KDR: variants seen among roughly 807,000 people sequenced by gnomAD.
The protein encoded by KDR is vascular endothelial growth factor receptor 2.
A neutral mutation model predicts 160.9 loss-of-function variants in KDR; 43 were observed. The observed-to-expected ratio is 0.27, with a 90% confidence interval of 0.21 to 0.34. KDR has a LOEUF of 0.34. Among genes scored for constraint, KDR ranks in the 10% least tolerant of loss-of-function variants. KDR has a pLI of 1.00. For missense variants in KDR, 1,469 were observed against 1,666.4 expected (o/e 0.88, Z 2.06); for synonymous variants, 617 against 600.1 (o/e 1.03, Z -0.41).
chr4:55,105,968 C>T (rs1364427995), intron 11 of KDR, 28 bp from the exon 12 acceptor site: 4 of 1,415,388 alleles, frequency 2.8e-6, no homozygotes, highest in Non-Finnish European at 4.0e-6. Flanking sequence ...AAATCCCAGG[C>T]CATAAACAAC....
chr4:55,091,775 T>A (rs1420859385), intron 22 of KDR, among the ~76,000 whole-genome samples: 1 of 152,254 alleles, frequency 6.6e-6, no homozygotes, highest in African/African-American at 2.4e-5. Flanking sequence ...TTCTTCCTGA[T>A]CCTTAATTTG....
At chr4:55,087,843 C>A in intron 26 of KDR, 85 bp from the exon 27 acceptor site, 4 of 1,276,764 alleles carry the variant, frequency 3.1e-6, no homozygotes, top group Middle Eastern at 2.2e-4. Flanking sequence ...ACAGGGACTT[C>A]TTGGCTACAT....
chr4:55,114,934 A>C lies in KDR; in HGVS notation c.598T>G (p.Cys200Gly). 6.2e-7 allele frequency: 1 copy of C among 1,614,028 alleles called. No individual in the cohort carries two copies. Among genetic ancestry groups the C allele is most frequent in the Non-Finnish European group, 8.5e-7 (1 of 1,179,910 alleles). ...CTTTCATCATTAATTTTTGCTTCACAGAAGACCATGCCAGCATAGCTGATC... is the reference window on the plus strand; with the variant it reads ...CTTTCATCATTAATTTTTGCTTCACCGAAGACCATGCCAGCATAGCTGATC... ...YMISYAGMVF[C>G]EAKINDESYQ... Residue 200 changes from cysteine (C) to glycine (G), a missense_variant, in exon 5 of 30, where the codon TGT (cysteine) becomes GGT (glycine). Coordinates refer to ENST00000263923, the MANE Select transcript of KDR (RefSeq NM_002253.4).
chr4:55,099,128 C>G (rs894399053), intron 15 of KDR, among the ~76,000 whole-genome samples: 2 of 151,840 alleles, frequency 1.3e-5, no homozygotes, highest in African/African-American at 4.8e-5. Context: ...CGATTCTCCC[C>G]CCTCAGCCTC....
chr4:55,099,673 T>A (rs1363652029), intron 15 of KDR, among the ~76,000 whole-genome samples: 1 of 152,218 alleles, frequency 6.6e-6, no homozygotes, highest in Non-Finnish European at 1.5e-5. Context: ...CTCATCACTT[T>A]AAATATGCCA....
At chr4:55,093,644 C>G (rs1264899229) in intron 21 of KDR, among the ~76,000 whole-genome samples, 1 of 152,184 alleles carries the variant, frequency 6.6e-6, no homozygotes, top group Non-Finnish European at 1.5e-5. Flanking sequence ...CAAGTCCCAG[C>G]CTCACACTAC....
intron 22 of KDR, 109 bp downstream of exon 22, chr4:55,092,508 G>T: frequency 1.3e-6 from 1 of 799,860 alleles, no homozygotes; most frequent in South Asian, 1.4e-5. Context: ...AGACGTAGAA[G>T]TGGTGAATGA....
chr4:55,082,324 T>A (rs961736648), intron 28 of KDR, among the ~76,000 whole-genome samples: 1 of 152,214 alleles, frequency 6.6e-6, no homozygotes, highest in East Asian at 1.9e-4. Context: ...TTAGTGAAAT[T>A]GGTCAGAAAG....
chr4:55,104,756 A>G lies in KDR; in HGVS notation c.1874T>C (p.Leu625Ser). ...TMFSNSTNDI[L>S]IMELKNASLQ... ...GGATGCATTCTTAAGCTCCATGATC[A>G]AAATGTCATTTGTGCTATTAGAGAA... The change falls in exon 13 of 30, where the codon TTG becomes TCG. Residue 625 changes from leucine to serine, a missense_variant. Around this residue, in one of 7 missense-constraint regions of KDR, gnomAD observed 792 missense variants for 840.9 expected, o/e 0.94. Coordinates refer to ENST00000263923, the MANE Select transcript of KDR (RefSeq NM_002253.4). 1.2e-6 allele frequency: 2 copies of G among 1,613,972 alleles called. No homozygotes were observed. Among genetic ancestry groups the G allele is most frequent in the Non-Finnish European group, 1.7e-6 (2 of 1,179,892 alleles).
chr4:55,102,380 T>C lies in KDR; in HGVS notation c.2116A>G (p.Thr706Ala), dbSNP rs776513559. 15 of 1,613,466 alleles carry C rather than the reference T, an allele frequency of 9.3e-6. No homozygotes were observed. Among genetic ancestry groups the C allele is most frequent in the Non-Finnish European group, 1.3e-5 (15 of 1,179,660 alleles). ...TATTTACCTGAGTCTTCTACAAGGG[T>C]CTCATTATCTTTAAACCACATGATC... ...PQIMWFKDNE[T>A]LVEDSGIVLK... Residue 706 changes from threonine to alanine, a missense_variant, in exon 14 of 30, where the codon ACC (threonine) becomes GCC (alanine). This residue lies in a region of KDR where 39 missense variants were observed against 72.1 expected (regional missense o/e 0.54). Transcript: ENST00000263923.
intron 3 of KDR, among the ~76,000 whole-genome samples, chr4:55,117,364 G>C (rs1720761579): frequency 1.3e-5 from 2 of 152,142 alleles, no homozygotes. Flanking sequence ...GCAATCTTCT[G>C]ACCGAGCTGC....
At chr4:55,121,885 TTC>T (rs1266990486) in intron 1 of KDR, among the ~76,000 whole-genome samples, 1 of 151,900 alleles carries the variant, frequency 6.6e-6, no homozygotes, top group Non-Finnish European at 1.5e-5. Flanking sequence ...TAATATACTT[TTC>T]TGTCTACTGT....
At chr4:55,089,238 T>A in intron 25 of KDR, 136 bp downstream of exon 25, 2 of 711,680 alleles carry the variant, frequency 2.8e-6, no homozygotes, top group Non-Finnish European at 4.9e-6. Flanking sequence ...ATGCTTGAAA[T>A]TATCAAGAAA....
rs185352707 is a variant in KDR at position 55,090,877 on chromosome 4, G to A, written c.3070-799C>T. 6.7e-3 allele frequency among the ~76,000 whole-genome samples: 599 copies of A among 89,652 alleles called. 2 individuals carry two copies. The highest frequency in any genetic ancestry group is 8.8e-3 in the Non-Finnish European group (413 of 47,064). 58.8% of individuals were successfully genotyped at this position (89,652 alleles called of 152,430 possible). A position where few individuals can be genotyped will look rare whatever the true frequency, so the allele number is the denominator to read the frequency against. On this transcript the variant is annotated intron_variant, in intron 22 of 29. Transcript: ENST00000263923. ...TTTTTTTTTTTTTTTTTTTTTTTGAGAAGGAATCTCACTCTCGCCCAGGCT... is the reference window on the plus strand; with the variant it reads ...TTTTTTTTTTTTTTTTTTTTTTTGAAAAGGAATCTCACTCTCGCCCAGGCT...
rs981899217 is a variant in KDR at position 55,098,059 on chromosome 4, C to T, written c.2509+78G>A. 8 of 1,542,024 alleles carry T rather than the reference C, an allele frequency of 5.2e-6. No individual in the cohort carries two copies. The African/African-American group carries it at 9.5e-5, about 18-fold the overall frequency. ...ACCAGAATCCAACATCTGAATACAC[C>T]ACATTTGTCATCATTCTAATGGAGG... On this transcript the variant is annotated intron_variant, in intron 17 of 29. Coordinates refer to ENST00000263923, the MANE Select transcript of KDR (RefSeq NM_002253.4).
chr4:55,093,572 G>A (rs1298360735), intron 21 of KDR, among the ~76,000 whole-genome samples: 1 of 152,198 alleles, frequency 6.6e-6, no homozygotes, highest in Non-Finnish European at 1.5e-5. Flanking sequence ...GGTAGAGGCA[G>A]CACCACTCAG....
intron 1 of KDR, among the ~76,000 whole-genome samples, chr4:55,122,102 C>T (rs1232612037): frequency 6.6e-6 from 1 of 152,074 alleles, no homozygotes; most frequent in African/African-American, 2.4e-5. Flanking sequence ...TTCATCAAAG[C>T]CCTGAACTCA....
At position 55,125,584 on chromosome 4, in the gene KDR, C is replaced by T. The variant is rs1721016987; in HGVS notation, c.-291G>A. 2 of 573,704 alleles carry T rather than the reference C, an allele frequency of 3.5e-6. No individual in the cohort carries two copies. Among genetic ancestry groups the T allele is most frequent in the Non-Finnish European group, 6.3e-6 (2 of 318,768 alleles). 35.5% of individuals were successfully genotyped at this position (573,704 alleles called of 1,614,324 possible). On this transcript the variant is annotated 5_prime_UTR_variant, in exon 1 of 30. Transcript: ENST00000263923. ...ACACATTGACCGCTCTCCCGGGGTC[C>T]CGGGACTCAGTGCAGGGTGGGAGCT...
chr4:55,113,316 C>G lies in KDR; in HGVS notation c.964G>C (p.Val322Leu). 1 of 1,614,068 alleles carries G rather than the reference C, an allele frequency of 6.2e-7. No homozygotes were observed. The highest frequency in any genetic ancestry group is 1.1e-5 in the South Asian group (1 of 91,072). The change falls in exon 7 of 30, where the codon GTC becomes CTC. Residue 322 changes from valine to leucine, a missense_variant. Around this residue, in one of 7 missense-constraint regions of KDR, gnomAD observed 792 missense variants for 840.9 expected, o/e 0.94. Transcript: ENST00000263923. ...GLMTKKNSTF[V>L]RVHEKPFVAF... The stretch of plus-strand genomic sequence containing the variant: ...GACCATAGCTTACCATGGACCCTGA[C>G]AAATGTGCTGTTCTTCTTGGTCATC...
Sources: allele counts gnomAD v4.1 joint callset (sites outside exome capture counted in the v4.1 genomes callset), GRCh38; gene constraint gnomAD v4.1.1; regional missense constraint gnomAD v4.1.1; transcripts MANE v1.5; gene names NCBI Gene and HGNC (gene_info 2026-07-23, HGNC 2026-07-21).